SYNE2: variants seen among roughly 807,000 people sequenced by gnomAD.
The protein encoded by SYNE2 is nesprin-2.
A neutral mutation model predicts 856.3 loss-of-function variants in SYNE2; 431 were observed. That is an observed-to-expected ratio of 0.50 (90% confidence interval 0.47 to 0.55). The LOEUF (loss-of-function observed/expected upper bound fraction) is 0.55. SYNE2 is among the 20% of genes least tolerant of loss of function. The probability of loss-of-function intolerance (pLI) is 0.00; values close to 1 mark genes in which losing one functional copy is unlikely to be tolerated. For synonymous variants in SYNE2, 2,923 were observed against 2,872.3 expected, an observed-to-expected ratio of 1.02 and a Z score of -0.56; for missense variants, 8,129 against 8,023.2, an observed-to-expected ratio of 1.01 and a Z score of -0.50.
At position 64,220,511 on chromosome 14, in the gene SYNE2, A is replaced by T. The variant is rs1435324474; in HGVS notation, c.19935A>T (p.Gln6645His). 2 of 1,614,186 alleles carry T rather than the reference A, an allele frequency of 1.2e-6. No homozygotes were observed. Among genetic ancestry groups the T allele is most frequent in the Non-Finnish European group, 1.7e-6 (2 of 1,180,038 alleles). Residue 6645 changes from glutamine to histidine, a missense_variant, in exon 111 of 116, where the codon CAA becomes CAT. Transcript: ENST00000555002. ...ACGTGAGCAGCAAGGAATTTCTGCA[A>T]ACCGAGAGCCCCGAATCCACAGAGC... ...SVNVSSKEFL[Q>H]TESPESTELQ...
intron 97 of SYNE2, among the ~76,000 whole-genome samples, 169 bp from the exon 98 acceptor site, chr14:64,188,381 A>G (rs958544354): frequency 1.3e-5 from 2 of 152,206 alleles, no homozygotes; most frequent in African/African-American, 4.8e-5. Context: ...CACAGGTGTA[A>G]GGAACTTCTG....
chr14:64,113,758 G>A, intron 66 of SYNE2, among the ~76,000 whole-genome samples, 187 bp downstream of exon 66: 1 of 152,146 alleles, frequency 6.6e-6, no homozygotes, highest in East Asian at 1.9e-4. Context: ...TTATTTGAGG[G>A]GACAGTAGTG....
At chr14:64,224,348 A>G in intron 113 of SYNE2, 113 bp from the exon 114 acceptor site, 1 of 1,070,550 alleles carries the variant, frequency 9.3e-7, no homozygotes, top group South Asian at 1.2e-5. Flanking sequence ...GAGACTGTCT[A>G]AAACAAAACA....
chr14:63,901,011 C>A (rs890734854), intron 1 of SYNE2, among the ~76,000 whole-genome samples: 1 of 152,190 alleles, frequency 6.6e-6, no homozygotes, highest in African/African-American at 2.4e-5. Flanking sequence ...TTTAAAATCA[C>A]TCTGTTAAAG....
At chr14:63,944,467 A>G (rs1239809300) in intron 6 of SYNE2, among the ~76,000 whole-genome samples, 2 of 151,264 alleles carry the variant, frequency 1.3e-5, no homozygotes, top group African/African-American at 4.8e-5. Context: ...CCACAGGTCA[A>G]ATTCTTAGAA....
intron 113 of SYNE2, 110 bp from the exon 114 acceptor site, chr14:64,224,346 CTAAAA>C (rs1181721900): frequency 3.8e-6 from 4 of 1,045,466 alleles, no homozygotes; most frequent in African/African-American, 1.6e-5. Flanking sequence ...GTGAGACTGT[CTAAAA>C]CAAAACAAAA....
intron 10 of SYNE2, among the ~76,000 whole-genome samples, chr14:63,967,198 G>A (rs528083245): frequency 6.6e-6 from 1 of 152,258 alleles, no homozygotes; most frequent in South Asian, 2.1e-4. Flanking sequence ...TCACACAAAT[G>A]TGAACCAAGA....
chr14:64,100,502 G>A (rs2153638487), intron 63 of SYNE2: 1 of 65,650 alleles, frequency 1.5e-5, no homozygotes, highest in East Asian at 4.3e-4. Flanking sequence ...GGTGACAAGA[G>A]CAAAACTGTC....
chr14:63,958,851 A>G (rs2096272521), intron 8 of SYNE2, among the ~76,000 whole-genome samples: 2 of 152,210 alleles, frequency 1.3e-5, no homozygotes, highest in Admixed American at 6.5e-5. Flanking sequence ...TTGTAATGCA[A>G]TACTACTTCG....
intron 1 of SYNE2, among the ~76,000 whole-genome samples, chr14:63,878,811 T>C (rs1427832221): frequency 6.6e-6 from 1 of 152,132 alleles, no homozygotes; most frequent in African/African-American, 2.4e-5. Context: ...TCCCAAAGTG[T>C]TGGAATTACA....
rs371832220 is a variant in SYNE2 at position 63,921,269 on chromosome 14, C to T, written c.79+12042C>T. ...GACTCAGTTCTGGAAATGTTGAGTTCGAGATGTCTATGGAATAACCACATG... is the reference window on the plus strand; with the variant it reads ...GACTCAGTTCTGGAAATGTTGAGTTTGAGATGTCTATGGAATAACCACATG... On this transcript the variant is annotated intron_variant, in intron 2 of 115. Transcript: ENST00000555002. Among the ~76,000 whole-genome samples the T allele has an allele frequency of 2.4e-4, 36 of 151,392 alleles. 1 individual carries two copies. The highest frequency in any genetic ancestry group is 8.2e-4 in the African/African-American group (34 of 41,248).
chr14:63,971,365 C>G (rs565380140), intron 11 of SYNE2, among the ~76,000 whole-genome samples: 2 of 152,078 alleles, frequency 1.3e-5, no homozygotes, highest in African/African-American at 4.8e-5. Context: ...ATCCACTCGC[C>G]TTGGCCTACT....
chr14:64,099,178 CTT>C, intron 63 of SYNE2: 1 of 303,086 alleles, frequency 3.3e-6, no homozygotes, highest in South Asian at 3.3e-5. Context: ...TTCAATTACT[CTT>C]TTGCTCTAAA....
rs547632089 is a variant in SYNE2 at position 64,100,579 on chromosome 14, A to C, written c.12382-1353A>C. Among the ~76,000 whole-genome samples the C allele has an allele frequency of 8.0e-3, 986 of 123,616 alleles. 12 individuals carry two copies. Among genetic ancestry groups the C allele is most frequent in the Middle Eastern group, 0.022 (5 of 224 alleles). The allele number at this position is 123,616 out of a possible 152,430, so 81.1% of individuals were successfully genotyped here. A position where few individuals can be genotyped will look rare whatever the true frequency, so the allele number is the denominator to read the frequency against. ...ATATATATATATATATATTTATGACATGTATGATGTTTTGATACAGTACAT... is the reference window on the plus strand; with the variant it reads ...ATATATATATATATATATTTATGACCTGTATGATGTTTTGATACAGTACAT... On this transcript the variant is annotated intron_variant, in intron 63 of 115. Transcript: ENST00000555002.
intron 45 of SYNE2, among the ~76,000 whole-genome samples, chr14:64,033,719 A>G (rs2097061021): frequency 6.6e-6 from 1 of 152,100 alleles, no homozygotes; most frequent in African/African-American, 2.4e-5. Context: ...TAAAAAATTT[A>G]TTATGCTTTT....
intron 32 of SYNE2, among the ~76,000 whole-genome samples, chr14:64,015,238 A>C (rs1305578318): frequency 6.6e-6 from 1 of 151,402 alleles, no homozygotes; most frequent in Admixed American, 6.6e-5. Flanking sequence ...CTTTCTCTTC[A>C]GTTTTCCAGG....
chr14:63,873,252 CTG>C (rs1229877288), intron 1 of SYNE2, among the ~76,000 whole-genome samples: 1 of 151,914 alleles, frequency 6.6e-6, no homozygotes, highest in Non-Finnish European at 1.5e-5. Context: ...ATGCCAGTGA[CTG>C]TAGATATAAA....
chr14:64,010,263 GT>G, intron 32 of SYNE2, 147 bp downstream of exon 32: 1 of 888,940 alleles, frequency 1.1e-6, no homozygotes, highest in Non-Finnish European at 1.8e-6. Flanking sequence ...CTAAAAATTT[GT>G]TGTATTCATC....
intron 1 of SYNE2, among the ~76,000 whole-genome samples, chr14:63,810,195 G>A (rs1192236747): frequency 6.6e-6 from 1 of 151,328 alleles, no homozygotes; most frequent in Non-Finnish European, 1.5e-5. Context: ...TGCACTCTAG[G>A]CTGTGCAACA....
Sources: gnomAD v4.1 joint callset for allele counts (sites outside exome capture counted in the v4.1 genomes callset) on GRCh38, gnomAD v4.1.1 for gene constraint, MANE v1.5 for transcripts, NCBI Gene and HGNC (gene_info 2026-07-23, HGNC 2026-07-21) for gene names.